CCSER1: variants seen among roughly 807,000 people sequenced by gnomAD.
CCSER1 encodes serine-rich coiled-coil domain-containing protein 1.
A neutral mutation model predicts 82.0 loss-of-function variants in CCSER1; 41 were observed. The ratio of observed to expected loss-of-function variants is 0.50; its 90% CI spans 0.39 to 0.65. The LOEUF is 0.65. CCSER1 is among the 30% of genes least tolerant of loss of function. CCSER1 has a pLI of 0.00. For missense variants in CCSER1, 1,119 were observed against 1,064.2 expected, an observed-to-expected ratio of 1.05 and a Z score of -0.72; for synonymous variants, 414 against 383.9, an observed-to-expected ratio of 1.08 and a Z score of -0.92.
intron 1 of CCSER1, among the ~76,000 whole-genome samples, chr4:90,273,637 T>C (rs1238725477): frequency 6.6e-6 from 1 of 152,164 alleles, no homozygotes; most frequent in East Asian, 1.9e-4. Context: ...AATCACTTAC[T>C]GTATGGCAGT....
intron 1 of CCSER1, among the ~76,000 whole-genome samples, chr4:90,209,491 C>T (rs116245235): frequency 0.01 from 1,593 of 152,214 alleles, 26 homozygotes; most frequent in African/African-American, 0.037. Context: ...GAAGTCTGGC[C>T]ATGCCCCTTT....
chr4:90,951,864 C>T (rs942363806), intron 9 of CCSER1, among the ~76,000 whole-genome samples: 4 of 151,992 alleles, frequency 2.6e-5, no homozygotes, highest in Non-Finnish European at 5.9e-5. Context: ...GTAATTGTCA[C>T]ACATGAACAC....
In CCSER1 at chr4:90,272,754, G is replaced by A. The variant is rs11946459; in HGVS notation, c.-41-35490G>A. On this transcript the variant is annotated intron_variant, in intron 1 of 10. Transcript: ENST00000509176. Reference sequence around the variant, plus strand: ...AAAATGGCTCACGCCTGTAATCCCAGCACTTTGGGAGGCCAAGGAGGGTGG... The same window carrying A: ...AAAATGGCTCACGCCTGTAATCCCAACACTTTGGGAGGCCAAGGAGGGTGG... Among the ~76,000 whole-genome samples the A allele has an allele frequency of 6.2e-3, 947 of 152,286 alleles. 7 individuals are homozygous for A. Among genetic ancestry groups the A allele is most frequent in the African/African-American group, 0.022 (920 of 41,560 alleles).
chr4:90,527,347 C>T (rs375865383), intron 5 of CCSER1, among the ~76,000 whole-genome samples: 3 of 152,082 alleles, frequency 2.0e-5, no homozygotes, highest in South Asian at 2.1e-4. Flanking sequence ...TGAGAAAAAG[C>T]TCATGATCAC....
intron 9 of CCSER1, among the ~76,000 whole-genome samples, chr4:91,006,492 CTTTTTTTT>C (rs567997060): frequency 2.1e-5 from 3 of 143,762 alleles, no homozygotes; most frequent in Admixed American, 7.0e-5. Flanking sequence ...TTCTTTTTTT[CTTTTTTTT>C]TTTTTCTTAG....
At chr4:91,067,146 A>G (rs574077683) in intron 9 of CCSER1, among the ~76,000 whole-genome samples, 8 of 151,384 alleles carry the variant, frequency 5.3e-5, no homozygotes, top group Non-Finnish European at 1.2e-4. Flanking sequence ...CCTGGGCGAC[A>G]GAGCCAGACA....
chr4:90,643,619 T>C (rs1726971163), intron 6 of CCSER1, among the ~76,000 whole-genome samples: 1 of 152,182 alleles, frequency 6.6e-6, no homozygotes, highest in Non-Finnish European at 1.5e-5. Context: ...ACATAGCAAA[T>C]GCTCAATACG....
At chr4:91,038,155 G>A (rs1270803990) in intron 9 of CCSER1, among the ~76,000 whole-genome samples, 2 of 152,052 alleles carry the variant, frequency 1.3e-5, no homozygotes, top group East Asian at 3.9e-4. Context: ...CATAACAGAG[G>A]AATTAATTGC....
intron 10 of CCSER1, among the ~76,000 whole-genome samples, chr4:91,397,873 T>A (rs1752082865): frequency 6.6e-6 from 1 of 151,934 alleles, no homozygotes; most frequent in South Asian, 2.1e-4. Context: ...GAGCTGTCAG[T>A]AGTTTGGTGT....
At chr4:91,516,300 G>T (rs1186262504) in intron 10 of CCSER1, among the ~76,000 whole-genome samples, 1 of 151,936 alleles carries the variant, frequency 6.6e-6, no homozygotes, top group Non-Finnish European at 1.5e-5. Flanking sequence ...ATATCCAGAT[G>T]GTATTTCCTA....
intron 1 of CCSER1, among the ~76,000 whole-genome samples, chr4:90,193,845 T>A (rs1736102905): frequency 6.6e-6 from 1 of 152,056 alleles, no homozygotes; most frequent in Admixed American, 6.6e-5. Flanking sequence ...GTCTAGTGCC[T>A]AGAACAAGGA....
At chr4:90,167,239 A>G (rs1055419611) in intron 1 of CCSER1, among the ~76,000 whole-genome samples, 1 of 152,114 alleles carries the variant, frequency 6.6e-6, no homozygotes, top group Non-Finnish European at 1.5e-5. Flanking sequence ...TTTTAAGCAT[A>G]TAGTTACATC....
chr4:90,553,869 A>G (rs1777815232), intron 5 of CCSER1, among the ~76,000 whole-genome samples: 1 of 152,202 alleles, frequency 6.6e-6, no homozygotes, highest in Non-Finnish European at 1.5e-5. Flanking sequence ...TCAAAGTGCA[A>G]TGAAAAAAGA....
intron 6 of CCSER1, among the ~76,000 whole-genome samples, chr4:90,711,210 T>A (rs1195750794): frequency 6.6e-6 from 1 of 152,212 alleles, no homozygotes. Flanking sequence ...AAATTGTGTA[T>A]TAGCTTAAGA....
intron 1 of CCSER1, among the ~76,000 whole-genome samples, chr4:90,152,392 A>G (rs1398320219): frequency 6.6e-6 from 1 of 152,140 alleles, no homozygotes; most frequent in Admixed American, 6.6e-5. Flanking sequence ...TACTGGCCTA[A>G]GTGAGCCAAG....
At chr4:90,247,544 T>C (rs772513977) in intron 1 of CCSER1, among the ~76,000 whole-genome samples, 50 of 152,308 alleles carry the variant, frequency 3.3e-4, no homozygotes, top group Non-Finnish European at 2.2e-4. Flanking sequence ...AATCAGTTAA[T>C]GTAAACATGG....
intron 10 of CCSER1, among the ~76,000 whole-genome samples, chr4:91,095,510 T>C (rs995020615): frequency 6.6e-6 from 1 of 152,158 alleles, no homozygotes; most frequent in African/African-American, 2.4e-5. Flanking sequence ...CTTGATCAGC[T>C]ATCTCCCGTA....
intron 6 of CCSER1, among the ~76,000 whole-genome samples, chr4:90,652,142 T>A (rs2149049024): frequency 6.6e-6 from 1 of 152,308 alleles, no homozygotes. Flanking sequence ...GCAAAATTTT[T>A]TCCTGTAGCA....
At chr4:90,953,286 A>C (rs1052103687) in intron 9 of CCSER1, among the ~76,000 whole-genome samples, 27 of 151,832 alleles carry the variant, frequency 1.8e-4, no homozygotes, top group African/African-American at 6.5e-4. Context: ...CAAGGAAAAA[A>C]TTTTTTCAAC....
Sources: gnomAD v4.1 joint callset for allele counts (sites outside exome capture counted in the v4.1 genomes callset) on GRCh38, gnomAD v4.1.1 for gene constraint, MANE v1.5 for transcripts, NCBI Gene and HGNC (gene_info 2026-07-23, HGNC 2026-07-21) for gene names.